The following HEMK2 variants were observed in gnomAD, a reference collection of about 807,000 sequenced individuals.
HEMK2 encodes HemK methyltransferase 2, ETF1 glutamine and histone H4 lysine, also known as methyltransferase HEMK2.
the HEMK2 span, among the ~76,000 whole-genome samples, chr21:28,830,289 G>A: frequency 6.6e-6 from 1 of 152,108 alleles, no homozygotes; most frequent in Non-Finnish European, 1.5e-5. Flanking sequence ...TTTCTCCCTT[G>A]CTCTTGCGAT....
At chr21:28,778,109 A>C in the HEMK2 span, among the ~76,000 whole-genome samples, 1 of 152,158 alleles carries the variant, frequency 6.6e-6, no homozygotes, top group Non-Finnish European at 1.5e-5. Flanking sequence ...CTTTTATATA[A>C]CCACACTCAC....
the HEMK2 span, among the ~76,000 whole-genome samples, chr21:28,631,857 C>A: frequency 1.3e-5 from 2 of 151,176 alleles, no homozygotes; most frequent in African/African-American, 2.4e-5. Flanking sequence ...TTATCACTTA[C>A]AGTTGCCCTG....
At chr21:28,603,860 A>C in the HEMK2 span, among the ~76,000 whole-genome samples, 1 of 152,116 alleles carries the variant, frequency 6.6e-6, no homozygotes, top group Non-Finnish European at 1.5e-5. Context: ...AATTGTCTTT[A>C]TGACAGGGCT....
At chr21:28,856,415 C>CA in the HEMK2 span, among the ~76,000 whole-genome samples, 145 of 118,720 alleles carry the variant, frequency 1.2e-3, no homozygotes, top group Middle Eastern at 0.013. Context: ...GACTCCATCT[C>CA]AAAAAAAAAA....
At chr21:28,575,702 T>C in the HEMK2 span, among the ~76,000 whole-genome samples, 1 of 152,178 alleles carries the variant, frequency 6.6e-6, no homozygotes, top group Non-Finnish European at 1.5e-5. Flanking sequence ...TATCCCCACA[T>C]AACTACCACC....
the HEMK2 span, among the ~76,000 whole-genome samples, chr21:28,679,845 A>G: frequency 7.2e-5 from 11 of 152,142 alleles, no homozygotes; most frequent in Non-Finnish European, 1.6e-4. Flanking sequence ...ATGTTCTTTG[A>G]AACCAATGAG....
At chr21:28,866,171 A>AAAAAAAC in the HEMK2 span, among the ~76,000 whole-genome samples, 1 of 130,724 alleles carries the variant, frequency 7.6e-6, no homozygotes, top group African/African-American at 3.1e-5. Flanking sequence ...CAAACAAAAA[A>AAAAAAAC]AAAAACACAC....
At chr21:28,650,408 C>T in the HEMK2 span, among the ~76,000 whole-genome samples, 40 of 151,508 alleles carry the variant, frequency 2.6e-4, no homozygotes, top group African/African-American at 9.7e-4. Context: ...AAAAAAAATG[C>T]CATGGTCCGT....
the HEMK2 span, among the ~76,000 whole-genome samples, chr21:28,805,013 T>A: frequency 6.6e-6 from 1 of 152,224 alleles, no homozygotes; most frequent in Non-Finnish European, 1.5e-5. Flanking sequence ...TTGGGCTAGA[T>A]TGGGGCCCAG....
chr21:28,640,135 G>GA, the HEMK2 span, among the ~76,000 whole-genome samples: 1 of 152,218 alleles, frequency 6.6e-6, no homozygotes, highest in Non-Finnish European at 1.5e-5. Flanking sequence ...CAGATAGATA[G>GA]AAGAATGCAA....
At chr21:28,608,432 A>G in the HEMK2 span, among the ~76,000 whole-genome samples, 1 of 151,808 alleles carries the variant, frequency 6.6e-6, no homozygotes, top group African/African-American at 2.4e-5. Flanking sequence ...AAAATGGCTG[A>G]TAGGAGGTAG....
the HEMK2 span, among the ~76,000 whole-genome samples, chr21:28,797,394 G>A: frequency 2.3e-4 from 34 of 150,342 alleles, no homozygotes; most frequent in African/African-American, 8.3e-4. Flanking sequence ...CCAGAAGATG[G>A]AGCCCATCCA....
the HEMK2 span, among the ~76,000 whole-genome samples, chr21:28,744,183 CCT>C: frequency 6.6e-6 from 1 of 151,872 alleles, no homozygotes; most frequent in Non-Finnish European, 1.5e-5. Context: ...ACACCAAACC[CCT>C]GAGTCATGAG....
the HEMK2 span, among the ~76,000 whole-genome samples, chr21:28,661,970 G>T: frequency 4.6e-5 from 7 of 152,290 alleles, no homozygotes; most frequent in Non-Finnish European, 1.0e-4. Flanking sequence ...TATTTGAACA[G>T]AGAGAAAGTA....
At chr21:28,868,871 CTCT>C in the HEMK2 span, among the ~76,000 whole-genome samples, 1 of 152,102 alleles carries the variant, frequency 6.6e-6, no homozygotes, top group African/African-American at 2.4e-5. Flanking sequence ...TTCCTAAGCC[CTCT>C]TATTATAATA....
the HEMK2 span, among the ~76,000 whole-genome samples, chr21:28,627,760 A>G: frequency 6.6e-6 from 1 of 152,240 alleles, no homozygotes; most frequent in Non-Finnish European, 1.5e-5. Flanking sequence ...AAGTAACAAA[A>G]GGACCAGAGG....
chr21:28,826,238 T>C, the HEMK2 span, among the ~76,000 whole-genome samples: 1 of 152,206 alleles, frequency 6.6e-6, no homozygotes, highest in Admixed American at 6.6e-5. Flanking sequence ...ATTGTAAGTA[T>C]AGCCTTAAAG....
the HEMK2 span, among the ~76,000 whole-genome samples, chr21:28,693,260 A>G: frequency 6.6e-6 from 1 of 152,312 alleles, no homozygotes; most frequent in Admixed American, 6.5e-5. Flanking sequence ...AGATGAGAAC[A>G]GGAGAGGAAC....
chr21:28,796,420 G>A, the HEMK2 span, among the ~76,000 whole-genome samples: 14 of 152,168 alleles, frequency 9.2e-5, no homozygotes, highest in East Asian at 1.2e-3. Flanking sequence ...GATTACAGGC[G>A]TGAGCCACGA....
Sources: allele counts gnomAD v4.1 joint callset (sites outside exome capture counted in the v4.1 genomes callset), GRCh38; gene constraint gnomAD v4.1.1; transcripts MANE v1.5; gene names NCBI Gene and HGNC (gene_info 2026-07-23, HGNC 2026-07-21).